KCNAB1: variants seen among roughly 807,000 people sequenced by gnomAD.
The protein encoded by KCNAB1 is potassium voltage-gated channel subfamily A regulatory beta subunit 1.
KCNAB1 carries 35 observed loss-of-function variants against 64.6 expected under a neutral mutation model. The observed-to-expected ratio is 0.54, with a 90% CI of 0.41 to 0.72. The LOEUF (loss-of-function observed/expected upper bound fraction) is 0.72. KCNAB1 is among the 30% of genes least tolerant of loss of function. The pLI, the probability that KCNAB1 is intolerant of heterozygous loss-of-function variation, is 0.00. For missense variants in KCNAB1, 401 were observed against 512.9 expected (o/e 0.78, Z 2.11); for synonymous variants, 177 against 183.8 (o/e 0.96, Z 0.30).
chr3:156,369,683 C>G (rs1401148666), intron 1 of KCNAB1, among the ~76,000 whole-genome samples: 1 of 152,170 alleles, frequency 6.6e-6, no homozygotes, highest in Non-Finnish European at 1.5e-5. Flanking sequence ...TGACACAGTT[C>G]AGAAAACAGA....
chr3:156,304,067 T>C (rs1261126977), intron 1 of KCNAB1, among the ~76,000 whole-genome samples: 1 of 152,196 alleles, frequency 6.6e-6, no homozygotes. Flanking sequence ...TGAGAAAGTA[T>C]TTGGCCTTAC....
At chr3:156,339,546 A>G (rs1390339205) in intron 1 of KCNAB1, among the ~76,000 whole-genome samples, 4 of 152,232 alleles carry the variant, frequency 2.6e-5, no homozygotes, top group Non-Finnish European at 5.9e-5. Flanking sequence ...CTGTGGCTCC[A>G]GTGCCTTTAT....
chr3:156,130,903 T>C (rs1010743061), intron 1 of KCNAB1, among the ~76,000 whole-genome samples: 4 of 152,238 alleles, frequency 2.6e-5, no homozygotes, highest in Non-Finnish European at 5.9e-5. Context: ...ACTATGGATT[T>C]TTATGTTTCC....
chr3:156,358,498 C>A (rs1469115914), intron 1 of KCNAB1, among the ~76,000 whole-genome samples: 1 of 152,170 alleles, frequency 6.6e-6, no homozygotes, highest in Non-Finnish European at 1.5e-5. Context: ...TAGTCTCCTC[C>A]CTCATCTTGC....
At chr3:156,447,050 T>A (rs943956867) in intron 2 of KCNAB1, 4 of 152,226 alleles carry the variant, frequency 2.6e-5, no homozygotes, top group Non-Finnish European at 4.4e-5. Flanking sequence ...CCTACCTCAC[T>A]GCTCCCTGCA....
intron 1 of KCNAB1, among the ~76,000 whole-genome samples, chr3:156,140,186 A>G (rs1714624489): frequency 6.6e-6 from 1 of 152,246 alleles, no homozygotes; most frequent in Admixed American, 6.5e-5. Context: ...ATCCAGCTGC[A>G]ATGTAATAAC....
chr3:156,432,075 G>A (rs1329432331), intron 2 of KCNAB1, among the ~76,000 whole-genome samples: 1 of 152,046 alleles, frequency 6.6e-6, no homozygotes, highest in Non-Finnish European at 1.5e-5. Flanking sequence ...AGCTAAAGAG[G>A]GGAAATAGTG....
chr3:156,336,630 G>T (rs1367201475), intron 1 of KCNAB1, among the ~76,000 whole-genome samples: 1 of 152,206 alleles, frequency 6.6e-6, no homozygotes, highest in Non-Finnish European at 1.5e-5. Flanking sequence ...GTACATATGT[G>T]TTCATGGTAA....
intron 1 of KCNAB1, among the ~76,000 whole-genome samples, chr3:156,238,619 TTTAG>T (rs1453569244): frequency 2.6e-5 from 4 of 152,126 alleles, no homozygotes; most frequent in African/African-American, 4.8e-5. Flanking sequence ...CCTCTTTGTT[TTTAG>T]TTAGTTTGCC....
chr3:156,297,272 T>C (rs1469455351), intron 1 of KCNAB1, among the ~76,000 whole-genome samples: 3 of 113,720 alleles, frequency 2.6e-5, no homozygotes, highest in Admixed American at 7.5e-5. Context: ...TTTTTTTTTT[T>C]TTTTTTTTTT....
intron 2 of KCNAB1, among the ~76,000 whole-genome samples, chr3:156,423,751 G>T (rs888711430): frequency 6.6e-6 from 1 of 152,198 alleles, no homozygotes; most frequent in Non-Finnish European, 1.5e-5. Flanking sequence ...GAGGGCTTGT[G>T]TTGGGCAGTT....
intron 1 of KCNAB1, among the ~76,000 whole-genome samples, chr3:156,238,027 G>A (rs1397555856): frequency 6.6e-6 from 1 of 152,168 alleles, no homozygotes; most frequent in Admixed American, 6.5e-5. Context: ...CTACTGAGAG[G>A]ATGAATGAGA....
intron 1 of KCNAB1, among the ~76,000 whole-genome samples, chr3:156,365,027 G>A (rs1029578585): frequency 6.6e-6 from 1 of 152,170 alleles, no homozygotes; most frequent in Non-Finnish European, 1.5e-5. Flanking sequence ...CTCCAGAAAC[G>A]AAGTCTAGCA....
intron 1 of KCNAB1, among the ~76,000 whole-genome samples, chr3:156,412,439 G>T (rs1351534599): frequency 1.3e-5 from 2 of 152,132 alleles, no homozygotes; most frequent in Non-Finnish European, 2.9e-5. Context: ...AAAGAAAGAA[G>T]AATAAAATAA....
intron 8 of KCNAB1, among the ~76,000 whole-genome samples, chr3:156,511,609 T>C (rs565855271): frequency 1.3e-5 from 2 of 152,302 alleles, no homozygotes; most frequent in East Asian, 3.9e-4. Context: ...CTTCAACATC[T>C]ATTTTGAATC....
chr3:156,316,662 G>GCCTCTT (rs1722297594), intron 1 of KCNAB1, among the ~76,000 whole-genome samples: 4 of 152,258 alleles, frequency 2.6e-5, no homozygotes, highest in Non-Finnish European at 5.9e-5. Context: ...GAAGAGGGGA[G>GCCTCTT]CAGCTGCCAG....
intron 2 of KCNAB1, among the ~76,000 whole-genome samples, chr3:156,437,851 C>A (rs1441688310): frequency 6.6e-6 from 1 of 152,160 alleles, no homozygotes; most frequent in African/African-American, 2.4e-5. Flanking sequence ...CCAAATTTTT[C>A]TTCATCCTCT....
intron 1 of KCNAB1, among the ~76,000 whole-genome samples, chr3:156,272,151 C>G (rs911144553): frequency 2.0e-5 from 3 of 152,238 alleles, no homozygotes; most frequent in African/African-American, 7.2e-5. Context: ...CTCGGTCTGA[C>G]TTGGAGCCAG....
chr3:156,229,269 A>G (rs1182899799), intron 1 of KCNAB1, among the ~76,000 whole-genome samples: 1 of 152,112 alleles, frequency 6.6e-6, no homozygotes, highest in East Asian at 1.9e-4. Flanking sequence ...TGGGAAACTT[A>G]TAATTATGGT....
Sources: allele counts gnomAD v4.1 joint callset (sites outside exome capture counted in the v4.1 genomes callset), GRCh38; gene constraint gnomAD v4.1.1; transcripts MANE v1.5; gene names NCBI Gene and HGNC (gene_info 2026-07-23, HGNC 2026-07-21).